Variants in NLRP7 observed in about 807,000 individuals in gnomAD.
NLRP7 encodes NACHT, LRR and PYD domains-containing protein 7.
In NLRP7, 72 loss-of-function variants were observed where a neutral mutation model predicts 85.5. The ratio of observed to expected loss-of-function variants is 0.84; its 90% CI spans 0.70 to 1.02. The LOEUF (loss-of-function observed/expected upper bound fraction) is 1.02, where lower values mean the gene tolerates loss of function less well. Among genes scored for constraint, NLRP7 ranks in the 50% least tolerant of loss-of-function variants. The pLI, the probability that NLRP7 is intolerant of heterozygous loss-of-function variation, is 0.00. For missense variants in NLRP7, 1,243 were observed against 1,219.5 expected (o/e 1.02, Z -0.29); for synonymous variants, 550 against 505.2 (o/e 1.09, Z -1.19).
intron 9 of NLRP7, among the ~76,000 whole-genome samples, chr19:54,927,317 G>A (rs2068485237): frequency 6.6e-6 from 1 of 151,162 alleles, no homozygotes; most frequent in South Asian, 2.1e-4. Flanking sequence ...GGAGGTGGGG[G>A]TTGCAGTGAG....
intron 7 of NLRP7, among the ~76,000 whole-genome samples, chr19:54,933,952 G>A (rs762970767): frequency 8.5e-5 from 13 of 152,070 alleles, no homozygotes; most frequent in Non-Finnish European, 1.9e-4. Flanking sequence ...GGACACAGGT[G>A]TTGTTTTTGA....
intron 8 of NLRP7, 133 bp downstream of exon 8, chr19:54,933,436 C>T (rs2068760474): frequency 1.1e-5 from 13 of 1,154,892 alleles, no homozygotes; most frequent in East Asian, 2.6e-5. Context: ...TGAGCCACCA[C>T]GCCTGGCCTC....
At chr19:54,956,118 C>G (rs2069842527) in intron 1 of NLRP7, among the ~76,000 whole-genome samples, 1 of 148,598 alleles carries the variant, frequency 6.7e-6, no homozygotes, top group Admixed American at 6.7e-5. Flanking sequence ...CCAGCCTGGG[C>G]AACAGAGGGA....
At chr19:54,940,635 T>G (rs1368228113) in intron 3 of NLRP7, among the ~76,000 whole-genome samples, 169 bp from the exon 4 acceptor site, 1 of 152,076 alleles carries the variant, frequency 6.6e-6, no homozygotes, top group African/African-American at 2.4e-5. Flanking sequence ...AAGACCAGCC[T>G]GGCCAAGATA....
At chr19:54,942,277 A>G (rs1380709621) in intron 1 of NLRP7, among the ~76,000 whole-genome samples, 2 of 146,720 alleles carry the variant, frequency 1.4e-5, no homozygotes, top group Non-Finnish European at 3.0e-5. Flanking sequence ...AAAAAAAAAA[A>G]AAAAGAATAC....
intron 1 of NLRP7, among the ~76,000 whole-genome samples, chr19:54,953,528 G>C (rs1024156193): frequency 2.0e-5 from 3 of 149,288 alleles, no homozygotes; most frequent in African/African-American, 5.1e-5. Context: ...GCGCCGGGCT[G>C]TCTGCTTGTG....
chr19:54,938,544 T>A (rs536025022), intron 4 of NLRP7, among the ~76,000 whole-genome samples: 1 of 152,296 alleles, frequency 6.6e-6, no homozygotes, highest in Admixed American at 6.5e-5. Context: ...GGCTAGAAAC[T>A]GAGACCCCCA....
chr19:54,954,119 C>T (rs1036842972), intron 1 of NLRP7, among the ~76,000 whole-genome samples: 1 of 149,366 alleles, frequency 6.7e-6, no homozygotes, highest in Admixed American at 6.7e-5. Flanking sequence ...TCCCAGCAGC[C>T]CCATGACAGT....
At chr19:54,931,858 A>C (rs941598880) in intron 8 of NLRP7, among the ~76,000 whole-genome samples, 2 of 138,762 alleles carry the variant, frequency 1.4e-5, no homozygotes, top group African/African-American at 2.9e-5. Flanking sequence ...AAAAAAAAAA[A>C]AACATCCAAA....
At chr19:54,945,383 G>A (rs1411471146) in intron 1 of NLRP7, among the ~76,000 whole-genome samples, 1 of 148,042 alleles carries the variant, frequency 6.8e-6, no homozygotes, top group African/African-American at 2.5e-5. Context: ...CGATTCTCCT[G>A]CCTCGGCCTC....
intron 1 of NLRP7, among the ~76,000 whole-genome samples, chr19:54,943,532 C>T (rs10408323): frequency 7.6e-6 from 1 of 132,216 alleles, no homozygotes; most frequent in Non-Finnish European, 1.6e-5. Context: ...ACCCGGGAGG[C>T]GGAGCTTGCA....
upstream of NLRP7, among the ~76,000 whole-genome samples, chr19:54,949,972 T>TG: frequency 6.6e-6 from 1 of 151,664 alleles, no homozygotes; most frequent in South Asian, 2.1e-4. Context: ...CGTGGTGGAG[T>TG]GCACCTGTAG....
chr19:54,949,858 TTTGGGAGGCCTAG>T (rs1301053398), upstream of NLRP7, among the ~76,000 whole-genome samples: 2 of 152,054 alleles, frequency 1.3e-5, no homozygotes, highest in African/African-American at 4.8e-5. Context: ...ATCCCAACGC[TTTGGGAGGCCTAG>T]ATGGGAGGAT....
At chr19:54,941,694 T>C (rs968590472) in exon 2 of NLRP7, 3 of 1,612,838 alleles carry the variant, frequency 1.9e-6, no homozygotes, top group African/African-American at 1.3e-5. Flanking sequence ...GAGTCCACTC[T>C]AGCTGGGGCG....
chr19:54,932,063 G>A (rs988296816), intron 8 of NLRP7, among the ~76,000 whole-genome samples: 24 of 152,090 alleles, frequency 1.6e-4, no homozygotes, highest in African/African-American at 5.3e-4. Flanking sequence ...TACATATATA[G>A]GGGTATAGTG....
intron 1 of NLRP7, among the ~76,000 whole-genome samples, chr19:54,942,926 C>T (rs933795781): frequency 1.3e-4 from 20 of 151,356 alleles, no homozygotes; most frequent in Non-Finnish European, 2.8e-4. Flanking sequence ...GCAGGTGGAT[C>T]GCCTGATGTC....
intron 9 of NLRP7, among the ~76,000 whole-genome samples, chr19:54,926,249 C>T (rs1287093756): frequency 1.3e-5 from 2 of 151,608 alleles, no homozygotes; most frequent in African/African-American, 4.8e-5. Flanking sequence ...CACATACACA[C>T]AAGCTTCCAG....
At chr19:54,954,821 C>G (rs1484386578) in intron 1 of NLRP7, among the ~76,000 whole-genome samples, 3 of 152,034 alleles carry the variant, frequency 2.0e-5, no homozygotes, top group South Asian at 2.1e-4. Flanking sequence ...CCACTGCACT[C>G]CAGCCTGGGC....
chr19:54,934,702 G>A lies in NLRP7; in HGVS notation c.2301-43C>T, dbSNP rs375142261. 7.5e-5 allele frequency: 114 copies of A among 1,513,920 alleles called. No individual in the cohort carries two copies. Among genetic ancestry groups the A allele is most frequent in the Non-Finnish European group, 1.0e-4 (112 of 1,114,898 alleles). 93.8% of individuals were successfully genotyped at this position (1,513,920 alleles called of 1,614,324 possible). On this transcript the variant is annotated intron_variant, in intron 6 of 9. Coordinates refer to ENST00000340844, the Ensembl canonical transcript of NLRP7. The surrounding 1 kb of genome is among the most constrained non-coding windows in gnomAD (Gnocchi z 6.7). The stretch of plus-strand genomic sequence containing the variant: ...AAAGTCATTCTTCTGGGAGGACAGA[G>A]TATACCCTATCAGCTTTTTTTTTTT...
Sources: gnomAD v4.1 joint callset for allele counts (sites outside exome capture counted in the v4.1 genomes callset) on GRCh38, gnomAD v4.1.1 for gene constraint, Gnocchi (gnomAD v3.1) non-coding constraint, MANE v1.5 for transcripts, NCBI Gene and HGNC (gene_info 2026-07-23, HGNC 2026-07-21) for gene names.